The following STYX variants were observed in gnomAD, a reference collection of about 807,000 sequenced individuals.
STYX encodes serine/threonine/tyrosine interacting protein, also known as serine/threonine/tyrosine-interacting protein.
In STYX, 20 loss-of-function variants were observed where a neutral mutation model predicts 42.7. The observed-to-expected ratio is 0.47, with a 90% CI of 0.33 to 0.68. The LOEUF is 0.68. Ranked by LOEUF, STYX falls within the 30% of genes least tolerant of loss-of-function variation. The pLI is 0.02. For synonymous variants in STYX, 78 were observed against 81.9 expected, an observed-to-expected ratio of 0.95 and a Z score of 0.26; for missense variants, 226 against 268.5, an observed-to-expected ratio of 0.84 and a Z score of 1.11.
intron 8 of STYX, 30 bp from the exon 9 acceptor site, chr14:52,759,652 A>G (rs1409343975): frequency 1.4e-6 from 2 of 1,434,520 alleles, no homozygotes; most frequent in South Asian, 1.2e-5. Flanking sequence ...AAATAATGCT[A>G]TCACATTAAC....
chr14:52,755,121 G>GTTTTTTTTTTTTTTTTTTTTTTTGT (rs537098365), intron 4 of STYX, among the ~76,000 whole-genome samples: 1 of 139,308 alleles, frequency 7.2e-6, no homozygotes, highest in Admixed American at 7.2e-5. Flanking sequence ...TTGTTTTTTT[G>GTTTTTTTTTTTTTTTTTTTTTTTGT]TTTTTTTTTT....
At chr14:52,756,464 G>A in intron 4 of STYX, 87 bp from the exon 5 acceptor site, 2 of 771,336 alleles carry the variant, frequency 2.6e-6, no homozygotes, top group South Asian at 1.7e-5. Context: ...TTCTTGCCAT[G>A]GTTAACAAGA....
intron 10 of STYX, among the ~76,000 whole-genome samples, chr14:52,770,353 T>G (rs943908783): frequency 1.9e-4 from 29 of 152,082 alleles, no homozygotes; most frequent in African/African-American, 7.0e-4. Flanking sequence ...GTCATGCCAT[T>G]GTTAGGCAAA....
chr14:52,744,887 A>G lies in STYX; in HGVS notation c.90+3A>G. 6.2e-7 allele frequency: 1 copy of G among 1,613,098 alleles called. No homozygotes were observed. Among genetic ancestry groups the G allele is most frequent in the Non-Finnish European group, 8.5e-7 (1 of 1,179,634 alleles). The stretch of plus-strand genomic sequence containing the variant: ...ACCCTATGAGACGAGAGATGCAGGT[A>G]TGGCAACCTTTTCTTTGTTCAAACC... On this transcript the variant is annotated splice_donor_region_variant and intron_variant, in intron 2 of 10. Coordinates refer to ENST00000354586, the MANE Select transcript of STYX (RefSeq NM_145251.4).
rs185040033 is a variant in STYX at position 52,762,597 on chromosome 14, A to G, written c.504+2843A>G. On this transcript the variant is annotated intron_variant, in intron 9 of 10. Transcript: ENST00000354586. ...TGTCTTTCTTTTTTTTTTCTGTACTATCCTTTTCTGGTTTTACTATCTCTG... is the reference window on the plus strand; with the variant it reads ...TGTCTTTCTTTTTTTTTTCTGTACTGTCCTTTTCTGGTTTTACTATCTCTG... Among the ~76,000 whole-genome samples the G allele has an allele frequency of 2.1e-3, 316 of 150,748 alleles. 2 individuals are homozygous for G. Among genetic ancestry groups the G allele is most frequent in the African/African-American group, 7.4e-3 (305 of 41,060 alleles).
chr14:52,756,967 G>A (rs906485672), intron 5 of STYX, among the ~76,000 whole-genome samples: 6 of 152,008 alleles, frequency 3.9e-5, no homozygotes, highest in African/African-American at 1.2e-4. Context: ...CATTACAGGC[G>A]TGAGCCACCG....
rs139414845 is a variant in STYX at position 52,755,200 on chromosome 14, G to A, written c.243-1351G>A. 5.1e-3 allele frequency among the ~76,000 whole-genome samples: 766 copies of A among 149,778 alleles called. 8 individuals carry two copies. The highest frequency in any genetic ancestry group is 0.018 in the African/African-American group (726 of 40,736). On this transcript the variant is annotated intron_variant, in intron 4 of 10. Transcript: ENST00000354586. The stretch of plus-strand genomic sequence containing the variant: ...TGCAGTGGCACAATTTTGGCCCACT[G>A]CAACCTCTGCCTCCCGGGTTTAAGT...
chr14:52,756,304 G>A (rs1881864028), intron 4 of STYX, among the ~76,000 whole-genome samples: 2 of 152,158 alleles, frequency 1.3e-5, no homozygotes, highest in African/African-American at 4.8e-5. Context: ...TGGGATTATA[G>A]GCATGAGCCA....
chr14:52,731,968 G>A (rs1351717353), intron 1 of STYX, among the ~76,000 whole-genome samples: 6 of 143,588 alleles, frequency 4.2e-5, no homozygotes, highest in African/African-American at 1.6e-4. Context: ...TTTTTTTGTA[G>A]CGATGGGTTT....
chr14:52,753,654 TTCTAA>T (rs1191781663), intron 4 of STYX, among the ~76,000 whole-genome samples: 1 of 152,180 alleles, frequency 6.6e-6, no homozygotes, highest in Non-Finnish European at 1.5e-5. Flanking sequence ...TCTAGATTAC[TTCTAA>T]TACTTAGTAC....
chr14:52,756,464 G>T, intron 4 of STYX, 87 bp from the exon 5 acceptor site: 3 of 771,334 alleles, frequency 3.9e-6, no homozygotes, highest in African/African-American at 1.8e-5. Flanking sequence ...TTCTTGCCAT[G>T]GTTAACAAGA....
At chr14:52,749,601 A>G (rs534475419) in intron 3 of STYX, among the ~76,000 whole-genome samples, 7 of 152,344 alleles carry the variant, frequency 4.6e-5, no homozygotes, top group African/African-American at 9.6e-5. Context: ...TACACATACT[A>G]TGTATCAGTG....
At chr14:52,743,892 G>A (rs906474042) in intron 1 of STYX, among the ~76,000 whole-genome samples, 1 of 152,158 alleles carries the variant, frequency 6.6e-6, no homozygotes, top group Admixed American at 6.5e-5. Context: ...GGTGATCTCA[G>A]CTCATTGCAA....
chr14:52,745,982 A>G (rs982152712), intron 2 of STYX, among the ~76,000 whole-genome samples: 1 of 152,250 alleles, frequency 6.6e-6, no homozygotes, highest in African/African-American at 2.4e-5. Flanking sequence ...GGTATGATAT[A>G]TCCAGACTGA....
chr14:52,755,121 G>GTTTTTTTTTTTTTTTTTTTT (rs537098365), intron 4 of STYX, among the ~76,000 whole-genome samples: 1 of 139,308 alleles, frequency 7.2e-6, no homozygotes, highest in African/African-American at 2.7e-5. Flanking sequence ...TTGTTTTTTT[G>GTTTTTTTTTTTTTTTTTTTT]TTTTTTTTTT....
intron 1 of STYX, among the ~76,000 whole-genome samples, chr14:52,736,991 A>G (rs1594863523): frequency 6.6e-6 from 1 of 152,174 alleles, no homozygotes; most frequent in African/African-American, 2.4e-5. Context: ...AAAGTGCAAT[A>G]CTAACTTTTC....
intron 8 of STYX, among the ~76,000 whole-genome samples, chr14:52,758,412 A>G (rs1276179411): frequency 6.6e-6 from 1 of 152,168 alleles, no homozygotes; most frequent in Non-Finnish European, 1.5e-5. Context: ...AAGCCTGGCC[A>G]GTGTACAGTA....
At chr14:52,760,790 T>C (rs1882060171) in intron 9 of STYX, among the ~76,000 whole-genome samples, 1 of 152,156 alleles carries the variant, frequency 6.6e-6, no homozygotes, top group Admixed American at 6.5e-5. Context: ...ATTGTTTTTT[T>C]TCATTTTTTT....
intron 1 of STYX, among the ~76,000 whole-genome samples, chr14:52,737,852 T>G (rs1263185411): frequency 6.6e-6 from 1 of 152,186 alleles, no homozygotes; most frequent in Non-Finnish European, 1.5e-5. Context: ...CTCAACTCAC[T>G]GCAAGCTCCG....
Sources: gnomAD v4.1 joint callset for allele counts (sites outside exome capture counted in the v4.1 genomes callset) on GRCh38, gnomAD v4.1.1 for gene constraint, MANE v1.5 for transcripts, NCBI Gene and HGNC (gene_info 2026-07-23, HGNC 2026-07-21) for gene names.